ATG14: variants seen among roughly 807,000 people sequenced by gnomAD.
The protein encoded by ATG14 is autophagy related 14, also known as beclin 1-associated autophagy-related key regulator.
Under a neutral mutation model 60.4 loss-of-function variants are expected in ATG14, and 35 were observed. The observed-to-expected ratio is 0.58, with a 90% CI of 0.44 to 0.77. The LOEUF (loss-of-function observed/expected upper bound fraction) is 0.77. ATG14 is among the 30% of genes least tolerant of loss of function. The probability of loss-of-function intolerance (pLI) is 0.00; values close to 1 mark genes in which losing one functional copy is unlikely to be tolerated. For missense variants in ATG14, 647 were observed against 626.3 expected (o/e 1.03, Z -0.35); for synonymous variants, 234 against 228.8 (o/e 1.02, Z -0.21).
intron 1 of ATG14, among the ~76,000 whole-genome samples, chr14:55,407,291 C>T (rs1203763403): frequency 6.6e-6 from 1 of 152,134 alleles, no homozygotes; most frequent in Non-Finnish European, 1.5e-5. Context: ...CCACCACGCC[C>T]AGCTAATTTT....
intron 9 of ATG14, 76 bp from the exon 10 acceptor site, chr14:55,370,001 GCCCTCACCTGAGGGGA>G: frequency 3.5e-6 from 5 of 1,446,182 alleles, no homozygotes; most frequent in Non-Finnish European, 4.7e-6. Context: ...CTTCCTGAAG[GCCCTCACCTGAGGGGA>G]TGAGGGACGC....
chr14:55,405,813 C>T (rs777128581), intron 1 of ATG14, among the ~76,000 whole-genome samples: 1 of 150,846 alleles, frequency 6.6e-6, no homozygotes, highest in Non-Finnish European at 1.5e-5. Context: ...AGGAAGCATA[C>T]AGTTTAAAAG....
intron 1 of ATG14, among the ~76,000 whole-genome samples, chr14:55,407,944 T>C (rs140855869): frequency 4.2e-4 from 64 of 152,150 alleles, no homozygotes; most frequent in African/African-American, 1.4e-3. Context: ...AAAAGCCCCA[T>C]TGGTGGAAGT....
chr14:55,405,800 T>G (rs914133866), intron 1 of ATG14, among the ~76,000 whole-genome samples: 2 of 152,060 alleles, frequency 1.3e-5, no homozygotes, highest in Non-Finnish European at 2.9e-5. Flanking sequence ...TCTTCATCCC[T>G]TAAGGAAGCA....
intron 1 of ATG14, 104 bp downstream of exon 1, chr14:55,411,498 C>G: frequency 8.8e-7 from 1 of 1,135,340 alleles, no homozygotes; most frequent in Admixed American, 2.4e-5. Flanking sequence ...GCTCCTCTCG[C>G]TGGTATCTGG....
At chr14:55,403,697 C>T (rs968853436) in intron 1 of ATG14, among the ~76,000 whole-genome samples, 44 of 152,002 alleles carry the variant, frequency 2.9e-4, no homozygotes, top group South Asian at 2.1e-4. Flanking sequence ...ACAACAACAA[C>T]GAACCAGCAA....
chr14:55,395,325 C>G, intron 3 of ATG14: 1 of 248,890 alleles, frequency 4.0e-6, no homozygotes, highest in South Asian at 4.8e-5. Flanking sequence ...GCTGCCACGC[C>G]TCTCCCAAAC....
chr14:55,375,906 TGTA>T (rs1001227469), intron 9 of ATG14, among the ~76,000 whole-genome samples: 2 of 152,230 alleles, frequency 1.3e-5, no homozygotes, highest in Admixed American at 6.5e-5. Flanking sequence ...TAACTTTCCT[TGTA>T]GGTTTATGAT....
chr14:55,385,271 C>A (rs1885103775), intron 5 of ATG14, among the ~76,000 whole-genome samples: 1 of 152,082 alleles, frequency 6.6e-6, no homozygotes, highest in Non-Finnish European at 1.5e-5. Context: ...CCAATACCAC[C>A]CATCAGATGG....
Position 55,368,378 on chromosome 14 carries a change from C to T in ATG14, c.*1241G>A, listed in dbSNP as rs939012265. 6.6e-6 allele frequency: 1 copy of T among 152,278 alleles called. No individual in the cohort carries two copies. Among genetic ancestry groups the T allele is most frequent in the Non-Finnish European group, 1.5e-5 (1 of 68,112 alleles). The allele number at this position is 152,278 out of a possible 1,614,324, so 9.4% of individuals were successfully genotyped here. A position where few individuals can be genotyped will look rare whatever the true frequency, so the allele number is the denominator to read the frequency against. ...GGGATTACAGGCGTGCGCCACCACA[C>T]CCGGTAATTTTTTGTATTTTTAGTA... On this transcript the variant is annotated 3_prime_UTR_variant, in exon 10 of 10. Coordinates refer to ENST00000247178, the MANE Select transcript of ATG14 (RefSeq NM_014924.5).
chr14:55,379,700 G>T (rs1005442121), intron 7 of ATG14, among the ~76,000 whole-genome samples: 1 of 152,180 alleles, frequency 6.6e-6, no homozygotes, highest in African/African-American at 2.4e-5. Flanking sequence ...AAACTGGGTA[G>T]GCTGTATATC....
rs757998583 is a variant in ATG14 at position 55,386,046 on chromosome 14, G to T, written c.460C>A (p.Arg154=). 6.2e-7 allele frequency: 1 copy of T among 1,613,730 alleles called. No individual in the cohort carries two copies. The highest frequency in any genetic ancestry group is 8.5e-7 in the Non-Finnish European group (1 of 1,179,980). Residue 154 remains arginine (R), a synonymous_variant, in exon 5 of 10, where the codon CGA becomes AGA. Coordinates refer to ENST00000247178, the MANE Select transcript of ATG14 (RefSeq NM_014924.5). Reference sequence around the variant, plus strand: ...TTTTTCTCTTGGTGCCGTTGTGCTCGACTGTAAAGCTTCTGATTCTTTTCC... The same window carrying T: ...TTTTTCTCTTGGTGCCGTTGTGCTCTACTGTAAAGCTTCTGATTCTTTTCC... ...TKEKNQKLYS[R]AQRHQEKKEK...
chr14:55,402,936 T>A (rs1188599621), intron 1 of ATG14, among the ~76,000 whole-genome samples: 24 of 28,538 alleles, frequency 8.4e-4, no homozygotes, highest in African/African-American at 1.7e-3. Context: ...AATATATATA[T>A]ATATATATAT....
chr14:55,370,460 A>G (rs1289755795), intron 9 of ATG14, among the ~76,000 whole-genome samples: 3 of 152,338 alleles, frequency 2.0e-5, no homozygotes, highest in Middle Eastern at 3.4e-3. Flanking sequence ...TGTTTAGAAT[A>G]TATTCAGAGG....
intron 1 of ATG14, among the ~76,000 whole-genome samples, chr14:55,402,927 ATATATATAT>A (rs1468468822): frequency 2.2e-4 from 2 of 8,916 alleles, no homozygotes; most frequent in Non-Finnish European, 3.8e-4. Context: ...AAAAAAAAAA[ATATATATAT>A]ATATATATAT....
intron 3 of ATG14, among the ~76,000 whole-genome samples, chr14:55,391,607 T>C (rs774109029): frequency 5.9e-5 from 9 of 152,178 alleles, no homozygotes; most frequent in Non-Finnish European, 1.2e-4. Context: ...ACTAGCCACA[T>C]GTGGTTACTT....
In ATG14 at chr14:55,385,848, G is replaced by A; in HGVS notation, c.647+11C>T. On this transcript the variant is annotated intron_variant, in intron 5 of 9. Coordinates refer to ENST00000247178, the MANE Select transcript of ATG14 (RefSeq NM_014924.5). ...ATCTATTCCTGGAGTCAAAAGACTT[G>A]CTTAATGTACCTCACACCCGTCTTT... 6.3e-7 allele frequency: 1 copy of A among 1,590,106 alleles called. No homozygotes were observed. Among genetic ancestry groups the A allele is most frequent in the East Asian group, 2.2e-5 (1 of 44,598 alleles).
intron 6 of ATG14, among the ~76,000 whole-genome samples, chr14:55,381,063 TC>T (rs1460001408): frequency 6.6e-6 from 1 of 151,868 alleles, no homozygotes; most frequent in East Asian, 1.9e-4. Flanking sequence ...AGTCATCCCT[TC>T]CTCTGTACCC....
chr14:55,390,570 A>G (rs1885197548), intron 4 of ATG14, among the ~76,000 whole-genome samples: 1 of 151,610 alleles, frequency 6.6e-6, no homozygotes, highest in Admixed American at 6.6e-5. Context: ...ACGGAGTTTC[A>G]CCATGTTAGT....
Sources: gnomAD v4.1 joint callset for allele counts (sites outside exome capture counted in the v4.1 genomes callset) on GRCh38, gnomAD v4.1.1 for gene constraint, MANE v1.5 for transcripts, NCBI Gene and HGNC (gene_info 2026-07-23, HGNC 2026-07-21) for gene names.